The following FGF9 variants were observed in gnomAD, a reference collection of about 807,000 sequenced individuals.
The protein encoded by FGF9 is fibroblast growth factor 9.
Under a neutral mutation model 19.9 loss-of-function variants are expected in FGF9, and 3 were observed. That is an observed-to-expected ratio of 0.15 (90% CI 0.07 to 0.39). The LOEUF (loss-of-function observed/expected upper bound fraction) is 0.39, where lower values mean the gene tolerates loss of function less well. Among genes scored for constraint, FGF9 ranks in the 10% least tolerant of loss-of-function variants. The pLI is 1.00. For missense variants in FGF9, 175 were observed against 256.8 expected (o/e 0.68, Z 2.18); for synonymous variants, 107 against 106.9 (o/e 1.00, Z -0.01).
chr13:21,671,393 A>G lies in FGF9; in HGVS notation c.-520A>G, dbSNP rs1871763478. 4 of 397,138 alleles carry G rather than the reference A, an allele frequency of 1.0e-5. No homozygotes were observed. Among genetic ancestry groups the G allele is most frequent in the African/African-American group, 2.1e-5 (1 of 48,678 alleles). The allele number at this position is 397,138 out of a possible 1,614,324, so 24.6% of individuals were successfully genotyped here. A position where few individuals can be genotyped will look rare whatever the true frequency, so the allele number is the denominator to read the frequency against. On this transcript the variant is annotated 5_prime_UTR_variant, in exon 1 of 3. Transcript: ENST00000382353. The stretch of plus-strand genomic sequence containing the variant: ...ACGTGAGATTTTTTTTTCCCCTTGA[A>G]GGATTCATGCTGATGTCTGCAGAGT...
chr13:21,687,825 C>A (rs1872196536), intron 2 of FGF9, among the ~76,000 whole-genome samples: 1 of 152,204 alleles, frequency 6.6e-6, no homozygotes, highest in African/African-American at 2.4e-5. Context: ...CCAGTCCATT[C>A]TTGGGGGACA....
At chr13:21,698,583 G>T (rs190097316) in intron 2 of FGF9, among the ~76,000 whole-genome samples, 1 of 152,128 alleles carries the variant, frequency 6.6e-6, no homozygotes, top group South Asian at 2.1e-4. Context: ...TCACTCCAAC[G>T]TCAGGCTTTC....
In FGF9 at chr13:21,671,900, G is replaced by A; in HGVS notation, c.-13G>A. 6.2e-7 allele frequency: 1 copy of A among 1,614,072 alleles called. No homozygotes were observed. The highest frequency in any genetic ancestry group is 8.5e-7 in the Non-Finnish European group (1 of 1,180,016). On this transcript the variant is annotated 5_prime_UTR_variant, in exon 1 of 3. Coordinates refer to ENST00000382353, the MANE Select transcript of FGF9 (RefSeq NM_002010.3). ...TATTGTTTATTCTTGTGCTCCAAAA[G>A]CCGAGTCCTCTGATGGCTCCCTTAG...
rs12427696 is a variant in FGF9 at position 21,681,044 on chromosome 13, A to G, written c.280A>G (p.Ile94Val). Residue 94 changes from isoleucine (I) to valine (V), a missense_variant and splice_region_variant, in exon 2 of 3, where the codon ATT becomes GTT. Ile to Val is a conservative substitution (Grantham distance 29). Around this residue, in one of 3 missense-constraint regions of FGF9, gnomAD observed 101 missense variants for 160.7 expected, o/e 0.63. Coordinates refer to ENST00000382353, the MANE Select transcript of FGF9 (RefSeq NM_002010.3). ...GTRKDHSRFG[I>V]LEFISIAVGL... Reference sequence around the variant, plus strand: ...TGCCTTCTACCCTTTGTCTACAGGCATTCTGGAATTTATCAGTATAGCAGT... The same window carrying G: ...TGCCTTCTACCCTTTGTCTACAGGCGTTCTGGAATTTATCAGTATAGCAGT... The G allele has an allele frequency of 3.2e-4, 519 of 1,611,944 alleles. 2 individuals carry two copies. The Admixed American group carries it at 7.6e-3, about 24-fold the overall frequency.
intron 2 of FGF9, among the ~76,000 whole-genome samples, chr13:21,684,910 T>C (rs1872125088): frequency 6.6e-6 from 1 of 152,210 alleles, no homozygotes; most frequent in Admixed American, 6.5e-5. Flanking sequence ...GGGCAGCAGG[T>C]TATTTCCCTT....
rs1263860760 is a variant in FGF9 at position 21,691,451 on chromosome 13, A to G, written c.382-9739A>G. Among the ~76,000 whole-genome samples, 1 of 152,212 alleles carries G rather than the reference A, an allele frequency of 6.6e-6. No individual in the cohort carries two copies. The highest frequency in any genetic ancestry group is 1.5e-5 in the Non-Finnish European group (1 of 68,024). On this transcript the variant is annotated intron_variant, in intron 2 of 2. Transcript: ENST00000382353. The surrounding 1 kb of genome is among the most constrained non-coding windows in gnomAD (Gnocchi z 4.2). ...AAGGCAACTTTGCTGCAGGGTTTAG[A>G]AACATGGAGGCTTCTGGATGTCTCC...
intron 1 of FGF9, among the ~76,000 whole-genome samples, chr13:21,675,200 A>G (rs1387650169): frequency 6.6e-6 from 1 of 151,274 alleles, no homozygotes; most frequent in Non-Finnish European, 1.5e-5. Flanking sequence ...TCTGGCTGGG[A>G]TGGAGTTGAG....
At chr13:21,687,081 A>G (rs1449380336) in intron 2 of FGF9, among the ~76,000 whole-genome samples, 1 of 152,202 alleles carries the variant, frequency 6.6e-6, no homozygotes, top group Non-Finnish European at 1.5e-5. Flanking sequence ...CCTGGTTTAT[A>G]TGGCTCCATG....
intron 2 of FGF9, among the ~76,000 whole-genome samples, chr13:21,682,006 TTTTC>T (rs1872053112): frequency 1.3e-5 from 2 of 151,890 alleles, no homozygotes; most frequent in Non-Finnish European, 2.9e-5. Flanking sequence ...CTTTCTTTTC[TTTTC>T]TTTCTTTTTT....
rs752653250 is a variant in FGF9 at position 21,671,870 on chromosome 13, A to G, written c.-43A>G. Reference sequence around the variant, plus strand: ...GCCTAATATCTCCTGGGTTGACACCATCATTATTGTTTATTCTTGTGCTCC... The same window carrying G: ...GCCTAATATCTCCTGGGTTGACACCGTCATTATTGTTTATTCTTGTGCTCC... On this transcript the variant is annotated 5_prime_UTR_variant, in exon 1 of 3. Coordinates refer to ENST00000382353, the MANE Select transcript of FGF9 (RefSeq NM_002010.3). The G allele has an allele frequency of 3.7e-6, 6 of 1,612,558 alleles. No individual in the cohort carries two copies. The highest frequency in any genetic ancestry group is 1.7e-6 in the Non-Finnish European group (2 of 1,178,856).
Position 21,701,613 on chromosome 13 carries a change from A to T in FGF9, c.*178A>T. The T allele has an allele frequency of 1.2e-6, 1 of 842,740 alleles. No individual in the cohort carries two copies. The highest frequency in any genetic ancestry group is 1.9e-6 in the Non-Finnish European group (1 of 539,544). The allele number at this position is 842,740 out of a possible 1,614,324, so 52.2% of individuals were successfully genotyped here. A position where few individuals can be genotyped will look rare whatever the true frequency, so the allele number is the denominator to read the frequency against. On this transcript the variant is annotated 3_prime_UTR_variant, in exon 3 of 3. Coordinates refer to ENST00000382353, the MANE Select transcript of FGF9 (RefSeq NM_002010.3). ...ATATGCTGATTTTGTTCTGCACTTA[A>T]AGGCTTCTCCTCCTGGAGGGCTGCC...
At chr13:21,688,075 A>G (rs944316869) in intron 2 of FGF9, among the ~76,000 whole-genome samples, 1 of 152,176 alleles carries the variant, frequency 6.6e-6, no homozygotes, top group Non-Finnish European at 1.5e-5. Context: ...GCAGTTCATC[A>G]GAGACCCCCT....
intron 2 of FGF9, among the ~76,000 whole-genome samples, chr13:21,695,146 A>T (rs1282198211): frequency 1.3e-5 from 2 of 151,916 alleles, no homozygotes; most frequent in Non-Finnish European, 2.9e-5. Flanking sequence ...TGGGACCCAT[A>T]TCATTGAGTT....
At position 21,702,996 on chromosome 13, in the gene FGF9, A is replaced by T. The variant is rs921196063; in HGVS notation, c.*1561A>T. 6.6e-6 allele frequency: 1 copy of T among 152,246 alleles called. No homozygotes were observed. Among genetic ancestry groups the T allele is most frequent in the African/African-American group, 2.4e-5 (1 of 41,460 alleles). 9.4% of individuals were successfully genotyped at this position (152,246 alleles called of 1,614,324 possible). A position where few individuals can be genotyped will look rare whatever the true frequency, so the allele number is the denominator to read the frequency against. ...TATGCTGAAAAGCATAAGAATACGTATTTCTTTAGTAGCAATAATTTTGGA... is the reference window on the plus strand; with the variant it reads ...TATGCTGAAAAGCATAAGAATACGTTTTTCTTTAGTAGCAATAATTTTGGA... On this transcript the variant is annotated 3_prime_UTR_variant, in exon 3 of 3. Coordinates refer to ENST00000382353, the MANE Select transcript of FGF9 (RefSeq NM_002010.3).
At chr13:21,698,745 C>T (rs1000040010) in intron 2 of FGF9, among the ~76,000 whole-genome samples, 3 of 152,152 alleles carry the variant, frequency 2.0e-5, no homozygotes, top group Non-Finnish European at 4.4e-5. Flanking sequence ...AAGTGTTCTA[C>T]ATTTAAAATA....
intron 2 of FGF9, among the ~76,000 whole-genome samples, chr13:21,694,329 T>A (rs1243256345): frequency 6.6e-6 from 1 of 152,194 alleles, no homozygotes; most frequent in East Asian, 1.9e-4. Flanking sequence ...TGTGCTGAAT[T>A]TAGTCTGCTT....
At position 21,691,390 on chromosome 13, in the gene FGF9, G is replaced by C. The variant is rs1445967417; in HGVS notation, c.382-9800G>C. 6.6e-6 allele frequency among the ~76,000 whole-genome samples: 1 copy of C among 152,200 alleles called. No individual in the cohort carries two copies. Among genetic ancestry groups the C allele is most frequent in the Non-Finnish European group, 1.5e-5 (1 of 68,036 alleles). On this transcript the variant is annotated intron_variant, in intron 2 of 2. Coordinates refer to ENST00000382353, the MANE Select transcript of FGF9 (RefSeq NM_002010.3). The surrounding 1 kb of genome is among the most constrained non-coding windows in gnomAD (Gnocchi z 4.2). Reference sequence around the variant, plus strand: ...TCACAGAGGAGATGGAGAAAAACAGGCAGGTGTTCTCAGTAGAGAAACCTT... The same window carrying C: ...TCACAGAGGAGATGGAGAAAAACAGCCAGGTGTTCTCAGTAGAGAAACCTT...
chr13:21,674,762 G>C (rs1347929313), intron 1 of FGF9, among the ~76,000 whole-genome samples: 1 of 151,164 alleles, frequency 6.6e-6, no homozygotes, highest in Non-Finnish European at 1.5e-5. Context: ...ACATGCAGTC[G>C]AGTCATTAGA....
At chr13:21,676,562 A>G (rs780689623) in intron 1 of FGF9, among the ~76,000 whole-genome samples, 2 of 152,290 alleles carry the variant, frequency 1.3e-5, no homozygotes, top group Non-Finnish European at 2.9e-5. Flanking sequence ...TCAGGTTGCT[A>G]CAGATCCGAA....
Sources: allele counts gnomAD v4.1 joint callset (sites outside exome capture counted in the v4.1 genomes callset), GRCh38; gene constraint gnomAD v4.1.1; regional missense constraint gnomAD v4.1.1; non-coding constraint Gnocchi (gnomAD v3.1); transcripts MANE v1.5; gene names NCBI Gene and HGNC (gene_info 2026-07-23, HGNC 2026-07-21).